The following PKIA variants were observed in gnomAD, a reference collection of about 807,000 sequenced individuals.
The protein encoded by PKIA is PKI-alpha.
In PKIA, 4 loss-of-function variants were observed where a neutral mutation model predicts 7.6. That is an observed-to-expected ratio of 0.52 (90% CI 0.26 to 1.20). PKIA has a LOEUF of 1.20. PKIA is among the 50% of genes most tolerant of loss of function. The pLI is 0.13. For missense variants in PKIA, 73 were observed against 86.2 expected (o/e 0.85, Z 0.61); for synonymous variants, 21 against 30.7 (o/e 0.68, Z 1.04).
chr8:78,540,325 T>C (rs75265724), intron 1 of PKIA, among the ~76,000 whole-genome samples: 5,519 of 152,068 alleles, frequency 0.036, 153 homozygotes, highest in South Asian at 0.071. Flanking sequence ...AAAAGAGATA[T>C]TGTATAGATA....
chr8:78,587,300 A>G (rs1444724447), intron 2 of PKIA, among the ~76,000 whole-genome samples: 1 of 152,224 alleles, frequency 6.6e-6, no homozygotes. Flanking sequence ...GTATTATATA[A>G]CAAAGAACAC....
At chr8:78,592,712 G>C (rs1043926647) in intron 2 of PKIA, among the ~76,000 whole-genome samples, 2 of 152,074 alleles carry the variant, frequency 1.3e-5, no homozygotes, top group African/African-American at 2.4e-5. Context: ...TTGCCACCAG[G>C]ATCTTTTAAA....
At chr8:78,529,671 T>G (rs991094730) in intron 1 of PKIA, among the ~76,000 whole-genome samples, 1 of 152,070 alleles carries the variant, frequency 6.6e-6, no homozygotes, top group African/African-American at 2.4e-5. Flanking sequence ...CTAAACTTTA[T>G]TCATTTACAT....
chr8:78,564,012 G>T (rs570666821), intron 1 of PKIA, among the ~76,000 whole-genome samples: 2 of 152,076 alleles, frequency 1.3e-5, no homozygotes, highest in African/African-American at 4.8e-5. Context: ...AACAAAAAGG[G>T]AATACGAAGA....
At chr8:78,560,878 C>T (rs150385049) in intron 1 of PKIA, among the ~76,000 whole-genome samples, 29 of 152,274 alleles carry the variant, frequency 1.9e-4, no homozygotes, top group African/African-American at 6.3e-4. Flanking sequence ...AGAAACCAGG[C>T]TCAGGAAGAT....
intron 2 of PKIA, among the ~76,000 whole-genome samples, chr8:78,595,471 T>C (rs1239324808): frequency 6.6e-6 from 1 of 152,202 alleles, no homozygotes; most frequent in Admixed American, 6.5e-5. Context: ...AAGGGGTACA[T>C]ATGCAGGTTT....
At chr8:78,576,916 G>A (rs995935949) in intron 2 of PKIA, among the ~76,000 whole-genome samples, 2 of 151,904 alleles carry the variant, frequency 1.3e-5, no homozygotes, top group Admixed American at 1.3e-4. Flanking sequence ...CAATAGCAAA[G>A]ACATGGAATC....
At chr8:78,547,277 GTTT>G (rs1330019875) in intron 1 of PKIA, among the ~76,000 whole-genome samples, 1 of 151,740 alleles carries the variant, frequency 6.6e-6, no homozygotes. Context: ...GCTAATTTTT[GTTT>G]TTTTATTAGA....
chr8:78,525,811 A>G (rs1313196831), intron 1 of PKIA, among the ~76,000 whole-genome samples: 2 of 151,844 alleles, frequency 1.3e-5, no homozygotes, highest in African/African-American at 4.8e-5. Flanking sequence ...TAATTTATTT[A>G]TTTGGGGACA....
intron 1 of PKIA, among the ~76,000 whole-genome samples, chr8:78,546,212 T>G (rs1806817945): frequency 6.6e-6 from 1 of 152,210 alleles, no homozygotes; most frequent in African/African-American, 2.4e-5. Context: ...TAAAATCTGC[T>G]TTGCCTTGCA....
At chr8:78,535,393 A>G (rs1284588533) in intron 1 of PKIA, 1 of 151,916 alleles carries the variant, frequency 6.6e-6, no homozygotes, top group Admixed American at 6.6e-5. Context: ...TCAAAAGAGG[A>G]GCAGTGAGTC....
At chr8:78,584,570 G>A (rs1807904002) in intron 2 of PKIA, among the ~76,000 whole-genome samples, 2 of 152,070 alleles carry the variant, frequency 1.3e-5, no homozygotes, top group Admixed American at 6.6e-5. Flanking sequence ...ACTCAAATGA[G>A]TTTGGTTGAT....
In PKIA at chr8:78,557,059, T is replaced by C. The variant is rs185757988; in HGVS notation, c.-156-15752T>C. On this transcript the variant is annotated intron_variant, in intron 1 of 3. Transcript: ENST00000396418. Reference sequence around the variant, plus strand: ...TGCATATGTTACCCTACTTGTCATTTTTTTCCTCCTAACCTTCCTTATCAG... The same window carrying C: ...TGCATATGTTACCCTACTTGTCATTCTTTTCCTCCTAACCTTCCTTATCAG... Among the ~76,000 whole-genome samples the C allele has an allele frequency of 9.5e-4, 145 of 152,240 alleles. 3 individuals are homozygous for C. The highest frequency in any genetic ancestry group is 4.2e-3 in the East Asian group (22 of 5,190).
At position 78,560,301 on chromosome 8, in the gene PKIA, TTAAAC is replaced by T. The variant is rs1236771309; in HGVS notation, c.-156-12506_-156-12502del. ...ATTCTAAATTTATATAACACTTTCT[TTAAAC>T]TAATCATAAAATGTAAATTAGGTTA... On this transcript the variant is annotated intron_variant, in intron 1 of 3. Coordinates refer to ENST00000396418, the MANE Select transcript of PKIA (RefSeq NM_006823.4). Among the ~76,000 whole-genome samples the T allele has an allele frequency of 2.6e-5, 4 of 152,336 alleles. No individual in the cohort carries two copies. In the East Asian group the frequency reaches 7.7e-4, roughly 29 times the overall value.
intron 2 of PKIA, among the ~76,000 whole-genome samples, chr8:78,584,402 C>A (rs940190466): frequency 2.6e-5 from 4 of 152,052 alleles, no homozygotes; most frequent in Admixed American, 6.6e-5. Flanking sequence ...AATTTCACAT[C>A]TGAAACCTGT....
chr8:78,562,614 C>T (rs1296437697), intron 1 of PKIA, among the ~76,000 whole-genome samples: 2 of 152,158 alleles, frequency 1.3e-5, no homozygotes, highest in African/African-American at 2.4e-5. Flanking sequence ...ACTGATCCTT[C>T]TGCTTAGATC....
intron 2 of PKIA, among the ~76,000 whole-genome samples, chr8:78,574,873 C>T (rs866086773): frequency 2.0e-5 from 3 of 151,818 alleles, no homozygotes; most frequent in Non-Finnish European, 4.4e-5. Context: ...AATTTCTACA[C>T]AGCCAAAAGA....
chr8:78,587,002 A>G (rs1807964066), intron 2 of PKIA, among the ~76,000 whole-genome samples: 1 of 152,148 alleles, frequency 6.6e-6, no homozygotes. Flanking sequence ...GCACTATTAA[A>G]CCGTAGCTGT....
At chr8:78,546,046 A>T (rs1342784575) in intron 1 of PKIA, among the ~76,000 whole-genome samples, 3 of 152,238 alleles carry the variant, frequency 2.0e-5, no homozygotes, top group African/African-American at 4.8e-5. Context: ...AATCTGACCT[A>T]GCTCACTAGC....
Sources: gnomAD v4.1 joint callset for allele counts (sites outside exome capture counted in the v4.1 genomes callset) on GRCh38, gnomAD v4.1.1 for gene constraint, MANE v1.5 for transcripts, NCBI Gene and HGNC (gene_info 2026-07-23, HGNC 2026-07-21) for gene names.